Variants in LIPA observed in about 807,000 individuals in gnomAD.
LIPA encodes lipase A, lysosomal acid type, also known as lysosomal acid lipase/cholesteryl ester hydrolase.
Under a neutral mutation model 40.6 loss-of-function variants are expected in LIPA, and 26 were observed. The observed-to-expected ratio is 0.64, with a 90% CI of 0.47 to 0.89. LIPA has a LOEUF of 0.89. Ranked by LOEUF, LIPA falls within the 40% of genes least tolerant of loss-of-function variation. The pLI, the probability that LIPA is intolerant of heterozygous loss-of-function variation, is 0.00. For synonymous variants in LIPA, 188 were observed against 168.4 expected, an observed-to-expected ratio of 1.12 and a Z score of -0.90; for missense variants, 455 against 479.6, an observed-to-expected ratio of 0.95 and a Z score of 0.48.
At chr10:89,260,270 T>C (rs1477487332) in intron 1 of LIPA, among the ~76,000 whole-genome samples, 1 of 152,218 alleles carries the variant, frequency 6.6e-6, no homozygotes, top group African/African-American at 2.4e-5. Flanking sequence ...CCAGCTCTTC[T>C]TCACTAACGA....
At chr10:89,409,024 A>G (rs1380164390) in intron 2 of LIPA, among the ~76,000 whole-genome samples, 1 of 152,326 alleles carries the variant, frequency 6.6e-6, no homozygotes, top group Non-Finnish European at 1.5e-5. Flanking sequence ...TGTCCACCAT[A>G]ACTAAGGGAA....
chr10:89,294,465 G>A (rs1843396654), intron 1 of LIPA, among the ~76,000 whole-genome samples: 2 of 152,182 alleles, frequency 1.3e-5, no homozygotes, highest in Non-Finnish European at 2.9e-5. Flanking sequence ...GCAAGAGAAG[G>A]TTGAAGTCAT....
At chr10:89,224,381 A>C (rs1045448903) in intron 6 of LIPA, among the ~76,000 whole-genome samples, 5 of 152,222 alleles carry the variant, frequency 3.3e-5, no homozygotes, top group Admixed American at 3.3e-4. Context: ...GGACTGCCTA[A>C]GCCTAGGAGA....
chr10:89,268,532 T>C (rs1383786070), intron 1 of LIPA, among the ~76,000 whole-genome samples: 2 of 152,334 alleles, frequency 1.3e-5, no homozygotes, highest in East Asian at 3.8e-4. Context: ...TTTCCTCTGA[T>C]ACATAATTTC....
At chr10:89,274,416 G>A (rs956951380) in intron 1 of LIPA, among the ~76,000 whole-genome samples, 11 of 152,170 alleles carry the variant, frequency 7.2e-5, no homozygotes, top group African/African-American at 2.7e-4. Context: ...CGGGGTATGT[G>A]TACGGTGCCT....
intron 1 of LIPA, among the ~76,000 whole-genome samples, chr10:89,322,396 C>A (rs1843576749): frequency 1.3e-5 from 2 of 152,000 alleles, no homozygotes; most frequent in Non-Finnish European, 2.9e-5. Flanking sequence ...TTACAGAGAG[C>A]AGAAAGGGGT....
intron 1 of LIPA, chr10:89,308,788 T>C (rs1291557325): frequency 6.6e-6 from 1 of 152,258 alleles, no homozygotes; most frequent in Non-Finnish European, 1.5e-5. Flanking sequence ...CTAACCACTG[T>C]AACAACAGTT....
rs1364517673 is a variant in LIPA at position 89,248,442 on chromosome 10, ATATTTATTTATTTATTTAT to A, written c.-1-812_-1-794del. 1.7e-3 allele frequency among the ~76,000 whole-genome samples: 231 copies of A among 136,396 alleles called. 5 individuals carry two copies. The highest frequency in any genetic ancestry group is 4.0e-3 in the Middle Eastern group (1 of 250). The allele number at this position is 136,396 out of a possible 152,430, so 89.5% of individuals were successfully genotyped here. A position where few individuals can be genotyped will look rare whatever the true frequency, so the allele number is the denominator to read the frequency against. On this transcript the variant is annotated intron_variant, in intron 1 of 9. Transcript: ENST00000336233. ...AAGGAATTATTATTATTATTATTTT[ATATTTATTTATTTATTTAT>A]TTATTTATTTATTTATTTATTTATT...
intron 1 of LIPA, among the ~76,000 whole-genome samples, chr10:89,277,611 G>A (rs1249463125): frequency 6.6e-6 from 1 of 152,178 alleles, no homozygotes; most frequent in Non-Finnish European, 1.5e-5. Context: ...TATGTTTTCT[G>A]AGTTCAGCTT....
At chr10:89,320,731 T>C (rs985078795) in intron 1 of LIPA, among the ~76,000 whole-genome samples, 1 of 152,190 alleles carries the variant, frequency 6.6e-6, no homozygotes, top group Non-Finnish European at 1.5e-5. Context: ...AAAGTTCATA[T>C]GGAACCAAAA....
intron 3 of LIPA, among the ~76,000 whole-genome samples, chr10:89,231,374 A>C (rs1035120374): frequency 6.6e-6 from 1 of 152,180 alleles, no homozygotes; most frequent in African/African-American, 2.4e-5. Context: ...CATACATGAA[A>C]ATATACATGG....
At chr10:89,406,008 T>C (rs1404264025) in intron 2 of LIPA, 1 of 152,200 alleles carries the variant, frequency 6.6e-6, no homozygotes. Flanking sequence ...TAGATACTGA[T>C]TTCATCCATT....
intron 2 of LIPA, among the ~76,000 whole-genome samples, chr10:89,360,353 C>T (rs770677917): frequency 3.3e-5 from 5 of 152,118 alleles, no homozygotes; most frequent in Non-Finnish European, 7.4e-5. Flanking sequence ...TGCTTGTTGC[C>T]AAGGCAGCCA....
At chr10:89,230,379 T>A (rs184965727) in intron 3 of LIPA, among the ~76,000 whole-genome samples, 1 of 152,322 alleles carries the variant, frequency 6.6e-6, no homozygotes. Flanking sequence ...TGATCTCTGC[T>A]CACAGCAACC....
intron 1 of LIPA, among the ~76,000 whole-genome samples, chr10:89,257,243 CCT>C (rs1843185995): frequency 2.0e-5 from 3 of 152,112 alleles, no homozygotes; most frequent in African/African-American, 7.2e-5. Context: ...GAGAATACTC[CCT>C]TTATGGCCTT....
At chr10:89,363,280 G>T (rs1011189529) in intron 2 of LIPA, 2 of 152,606 alleles carry the variant, frequency 1.3e-5, no homozygotes, top group African/African-American at 4.8e-5. Context: ...TTGCTGTAGA[G>T]CAAAGGCCCA....
Position 89,214,719 on chromosome 10 carries a change from AAAAAC to A in LIPA, c.*104_*108del, listed in dbSNP as rs1282821431. 2 of 730,726 alleles carry A rather than the reference AAAAAC, an allele frequency of 2.7e-6. No homozygotes were observed. Among genetic ancestry groups the A allele is most frequent in the African/African-American group, 3.6e-5 (2 of 56,154 alleles). The allele number at this position is 730,726 out of a possible 1,614,324, so 45.3% of individuals were successfully genotyped here. Reference sequence around the variant, plus strand: ...AAAGTTATCATTTTCTTGGATATAAAAAAACAAAAGACCTGGGAAAGAAAAACAAG... The same window carrying A: ...AAAGTTATCATTTTCTTGGATATAAAAAAAGACCTGGGAAAGAAAAACAAG... On this transcript the variant is annotated 3_prime_UTR_variant, in exon 10 of 10. Coordinates refer to ENST00000336233, the MANE Select transcript of LIPA (RefSeq NM_000235.4).
intron 1 of LIPA, among the ~76,000 whole-genome samples, chr10:89,328,253 G>A (rs1209058939): frequency 1.3e-5 from 2 of 152,022 alleles, no homozygotes; most frequent in Admixed American, 6.6e-5. Flanking sequence ...GCTTTTTTTG[G>A]TGTACACACA....
intron 1 of LIPA, among the ~76,000 whole-genome samples, chr10:89,295,877 G>A (rs1802926090): frequency 6.6e-6 from 1 of 152,168 alleles, no homozygotes; most frequent in South Asian, 2.1e-4. Context: ...TGCATGCATA[G>A]TCTCACACTA....
Sources: gnomAD v4.1 joint callset for allele counts (sites outside exome capture counted in the v4.1 genomes callset) on GRCh38, gnomAD v4.1.1 for gene constraint, MANE v1.5 for transcripts, NCBI Gene and HGNC (gene_info 2026-07-23, HGNC 2026-07-21) for gene names.